CCDC142: variants seen among roughly 807,000 people sequenced by gnomAD.
CCDC142 encodes the protein coiled-coil domain containing 142, also known as coiled-coil domain-containing protein 142.
In CCDC142, 67 loss-of-function variants were observed where a neutral mutation model predicts 83.8. The ratio of observed to expected loss-of-function variants is 0.80; its 90% CI spans 0.66 to 0.98. CCDC142 has a LOEUF of 0.98. Ranked by LOEUF, CCDC142 falls within the 50% of genes least tolerant of loss-of-function variation. The pLI, the probability that CCDC142 is intolerant of heterozygous loss-of-function variation, is 0.00. For missense variants in CCDC142, 905 were observed against 946.8 expected (o/e 0.96, Z 0.58); for synonymous variants, 421 against 421.2 (o/e 1.00, Z 0.01).
At chr2:74,480,685 T>G in intron 5 of CCDC142, 84 bp downstream of exon 5, 80 of 855,990 alleles carry the variant, frequency 9.3e-5, no homozygotes, top group Non-Finnish European at 1.3e-4. Flanking sequence ...TCCAAGTTAC[T>G]GAGATGTTCT....
chr2:74,474,896 A>G lies in CCDC142; in HGVS notation c.1996+20T>C, dbSNP rs1672284136. On this transcript the variant is annotated intron_variant, in intron 8 of 8. Coordinates refer to ENST00000393965, the MANE Select transcript of CCDC142 (RefSeq NM_001365575.2). Reference sequence around the variant, plus strand: ...AGGGTTTGGGACACACAAAGCAGTGAGCGAAGGGGAGTAACTCACAGCAAC... The same window carrying G: ...AGGGTTTGGGACACACAAAGCAGTGGGCGAAGGGGAGTAACTCACAGCAAC... 1.9e-6 allele frequency: 3 copies of G among 1,581,968 alleles called. No individual in the cohort carries two copies. Among genetic ancestry groups the G allele is most frequent in the East Asian group, 4.5e-5 (2 of 44,590 alleles).
At position 74,474,999 on chromosome 2, in the gene CCDC142, A is replaced by G; in HGVS notation, c.1913T>C (p.Phe638Ser). The G allele has an allele frequency of 6.2e-7, 1 of 1,613,986 alleles. No homozygotes were observed. Among genetic ancestry groups the G allele is most frequent in the Non-Finnish European group, 8.5e-7 (1 of 1,179,932 alleles). ...CAGCAGGGCCCCATCCAGCTGCTGG[A>G]AGATGCTGAGCATGAGCAGGGTCTG... ...LRQTLLMLSIFQQLDGALLCL... is the reference protein window; with the variant it reads ...LRQTLLMLSISQQLDGALLCL... Residue 638 changes from phenylalanine (F) to serine (S), a missense_variant, in exon 8 of 9, where the codon TTC becomes TCC. This residue lies in a region of CCDC142 where 265 missense variants were observed against 288.9 expected (regional missense o/e 0.92). Transcript: ENST00000393965.
chr2:74,480,035 G>A (rs528965562), intron 5 of CCDC142, among the ~76,000 whole-genome samples: 38 of 152,298 alleles, frequency 2.5e-4, no homozygotes, highest in African/African-American at 8.4e-4. Context: ...CTTCATAGGA[G>A]TAATCCAACT....
intron 5 of CCDC142, 85 bp downstream of exon 5, chr2:74,480,684 C>T: frequency 2.3e-6 from 2 of 853,046 alleles, no homozygotes; most frequent in Non-Finnish European, 3.7e-6. Context: ...TTCCAAGTTA[C>T]TGAGATGTTC....
At chr2:74,474,875 T>A in intron 8 of CCDC142, 41 bp downstream of exon 8, 2 of 1,579,296 alleles carry the variant, frequency 1.3e-6, no homozygotes, top group Non-Finnish European at 8.6e-7. Flanking sequence ...GAGAATAGGG[T>A]TTGGGACACA....
rs886113523 is a variant in CCDC142 at position 74,481,001 on chromosome 2, T to G, written c.1344A>C (p.Ala448=). ...FLGRAQQYLA[A]WDPASFLLLI... ...GGAGCAGGAAGGAAGCTGGGTCCCATGCTGCCAAGTACTGCTGAGCTCTGC... is the reference window on the plus strand; with the variant it reads ...GGAGCAGGAAGGAAGCTGGGTCCCAGGCTGCCAAGTACTGCTGAGCTCTGC... The change falls in exon 4 of 9, where the codon GCA becomes GCC. Residue 448 remains alanine (A), a synonymous_variant. Transcript: ENST00000393965. The G allele has an allele frequency of 1.2e-6, 2 of 1,614,010 alleles. No individual in the cohort carries two copies. Among genetic ancestry groups the G allele is most frequent in the Non-Finnish European group, 1.7e-6 (2 of 1,180,028 alleles).
intron 7 of CCDC142, 30 bp from the exon 8 acceptor site, chr2:74,475,145 G>C (rs1253410239): frequency 1.2e-6 from 2 of 1,610,658 alleles, no homozygotes; most frequent in Non-Finnish European, 1.7e-6. Flanking sequence ...ATGGCCACTT[G>C]ACCCTCCTGC....
rs1232429479 is a variant in CCDC142 at position 74,475,205 on chromosome 2, C to T, written c.1796+20G>A. 1 of 1,614,174 alleles carries T rather than the reference C, an allele frequency of 6.2e-7. No individual in the cohort carries two copies. Among genetic ancestry groups the T allele is most frequent in the East Asian group, 2.2e-5 (1 of 44,890 alleles). On this transcript the variant is annotated intron_variant, in intron 7 of 8. Transcript: ENST00000393965. ...TCCCAGTTCCATTCACCCCCTGCCACTTCCACCTTTACTCCTGACCTGAAC... is the reference window on the plus strand; with the variant it reads ...TCCCAGTTCCATTCACCCCCTGCCATTTCCACCTTTACTCCTGACCTGAAC...
Position 74,482,698 on chromosome 2 carries a change from G to A in CCDC142, c.140C>T (p.Pro47Leu). 2 of 1,609,030 alleles carry A rather than the reference G, an allele frequency of 1.2e-6. No individual in the cohort carries two copies. The highest frequency in any genetic ancestry group is 1.7e-6 in the Non-Finnish European group (2 of 1,179,970). The change falls in exon 1 of 9, where the codon CCG (proline) becomes CTG (leucine). Residue 47 changes from proline to leucine, a missense_variant. This residue lies in a region of CCDC142 where 591 missense variants were observed against 571.4 expected (regional missense o/e 1.03). Transcript: ENST00000393965. The surrounding 1 kb of genome is among the most constrained non-coding windows in gnomAD (Gnocchi z 5.0). ...GGLRWEVHCWPSGTSGGTPWW... is the reference protein window; with the variant it reads ...GGLRWEVHCWLSGTSGGTPWW... The stretch of plus-strand genomic sequence containing the variant: ...CGGCGTCCCTCCAGAAGTTCCGCTC[G>A]GCCAGCAGTGAACCTCCCAGCGAAG...
At chr2:74,481,666 T>C in intron 1 of CCDC142, 128 bp from the exon 2 acceptor site, 1 of 1,371,182 alleles carries the variant, frequency 7.3e-7, no homozygotes, top group South Asian at 1.2e-5. Context: ...AGCAAGACTT[T>C]GCCTTGAAAG....
Position 74,481,822 on chromosome 2 carries a change from C to T in CCDC142, c.1016G>A (p.Gly339Asp), listed in dbSNP as rs1247043814. The T allele has an allele frequency of 3.7e-6, 6 of 1,609,882 alleles. No homozygotes were observed. The highest frequency in any genetic ancestry group is 1.1e-5 in the South Asian group (1 of 90,782). The change falls in exon 1 of 9, where the codon GGT becomes GAT. Residue 339 changes from glycine (G) to aspartate (D), a missense_variant. By Grantham distance (94) the Gly-to-Asp change is moderately conservative. Coordinates refer to ENST00000393965, the MANE Select transcript of CCDC142 (RefSeq NM_001365575.2). The part of the protein sequence containing the change: ...ATAQQLSQAL[G>D]QASLPQECEK... ...CACCCAAGCCCATCACTCACCCTGA[C>T]CCAGTGCCTGACTCAGCTGTTGCGC...
chr2:74,481,870 G>T lies in CCDC142; in HGVS notation c.968C>A (p.Pro323His). 2 of 1,614,114 alleles carry T rather than the reference G, an allele frequency of 1.2e-6. No homozygotes were observed. Among genetic ancestry groups the T allele is most frequent in the Non-Finnish European group, 1.7e-6 (2 of 1,180,004 alleles). ...CAQSLDLNLGPWRDPRATAQQ... is the reference protein window; with the variant it reads ...CAQSLDLNLGHWRDPRATAQQ... ...CGCTGTTGCCCTGGGGTCCCTCCAGGGTCCCAGATTTAGGTCCAGACTCTG... is the reference window on the plus strand; with the variant it reads ...CGCTGTTGCCCTGGGGTCCCTCCAGTGTCCCAGATTTAGGTCCAGACTCTG... The change falls in exon 1 of 9, where the codon CCC (proline) becomes CAC (histidine). Residue 323 changes from proline (P) to histidine (H), a missense_variant. By Grantham distance (77) the Pro-to-His change is moderately conservative (BLOSUM62 -2). This residue lies in a region of CCDC142 where 591 missense variants were observed against 571.4 expected (regional missense o/e 1.03). Transcript: ENST00000393965.
At chr2:74,475,467 GGAGAA>G in intron 6 of CCDC142, 65 bp from the exon 7 acceptor site, 1 of 1,513,060 alleles carries the variant, frequency 6.6e-7, no homozygotes. Context: ...GGAGTGTTTG[GGAGAA>G]GAGGGTAGGA....
chr2:74,475,467 G>T, intron 6 of CCDC142, 65 bp from the exon 7 acceptor site: 2 of 1,513,058 alleles, frequency 1.3e-6, no homozygotes, highest in Non-Finnish European at 1.8e-6. Context: ...GGAGTGTTTG[G>T]GAGAAGAGGG....
At position 74,474,765 on chromosome 2, in the gene CCDC142, G is replaced by C. The variant is rs1270708586; in HGVS notation, c.2034C>G (p.Ser678Arg). The change falls in exon 9 of 9, where the codon AGC (serine) becomes AGG (arginine). Residue 678 changes from serine (S) to arginine (R), a missense_variant. By Grantham distance (110) the Ser-to-Arg change is moderately radical. Coordinates refer to ENST00000393965, the MANE Select transcript of CCDC142 (RefSeq NM_001365575.2). ...CQEVQTTKLP[S>R]SCLNSLESLE... ...AGCTCTCCAGGCTATTGAGGCAGCT[G>C]CTGGGCAATTTCGTGGTCTGGACCT... 6.2e-7 allele frequency: 1 copy of C among 1,613,296 alleles called. No homozygotes were observed. The highest frequency in any genetic ancestry group is 1.1e-5 in the South Asian group (1 of 90,968).
chr2:74,475,155 C>T (rs1672291940), intron 7 of CCDC142, 40 bp from the exon 8 acceptor site: 1 of 1,611,648 alleles, frequency 6.2e-7, no homozygotes, highest in Admixed American at 1.7e-5. Flanking sequence ...GACCCTCCTG[C>T]CTCTCCCACT....
chr2:74,473,146 T>TA lies in CCDC142; in HGVS notation c.*1399dup, dbSNP rs1672228389. 1 of 210,658 alleles carries TA rather than the reference T, an allele frequency of 4.7e-6. No homozygotes were observed. Among genetic ancestry groups the TA allele is most frequent in the South Asian group, 6.2e-5 (1 of 16,114 alleles). 13.0% of individuals were successfully genotyped at this position (210,658 alleles called of 1,614,324 possible). ...TAGTGAGCTCTGAATAGCCAAAGCTTAAACGTGAAAGTACTACAGCCCAAT... is the reference window on the plus strand; with the variant it reads ...TAGTGAGCTCTGAATAGCCAAAGCTTAAAACGTGAAAGTACTACAGCCCAAT... On this transcript the variant is annotated 3_prime_UTR_variant, in exon 9 of 9. Coordinates refer to ENST00000393965, the MANE Select transcript of CCDC142 (RefSeq NM_001365575.2).
Position 74,481,854 on chromosome 2 carries a change from C to T in CCDC142, c.984G>A (p.Arg328=), listed in dbSNP as rs1672485001. Residue 328 remains arginine, a synonymous_variant, in exon 1 of 9, where the codon AGG becomes AGA. Transcript: ENST00000393965. ...CCTGACTCAGCTGTTGCGCTGTTGC[C>T]CTGGGGTCCCTCCAGGGTCCCAGAT... ...DLNLGPWRDP[R]ATAQQLSQAL... is the part of the protein sequence containing the mutation. 6.2e-7 allele frequency: 1 copy of T among 1,613,974 alleles called. No individual in the cohort carries two copies. Among genetic ancestry groups the T allele is most frequent in the African/African-American group, 1.3e-5 (1 of 75,036 alleles).
At chr2:74,477,375 C>T (rs775194470) in intron 5 of CCDC142, among the ~76,000 whole-genome samples, 1 of 152,190 alleles carries the variant, frequency 6.6e-6, no homozygotes, top group Non-Finnish European at 1.5e-5. Context: ...ATCTCGGCCT[C>T]CCGAAATGCT....
Sources: gnomAD v4.1 joint callset for allele counts (sites outside exome capture counted in the v4.1 genomes callset) on GRCh38, gnomAD v4.1.1 for gene constraint, gnomAD v4.1.1 regional missense constraint, Gnocchi (gnomAD v3.1) non-coding constraint, MANE v1.5 for transcripts, NCBI Gene and HGNC (gene_info 2026-07-23, HGNC 2026-07-21) for gene names.